Variants in GFRAL observed in about 807,000 individuals in gnomAD.
GFRAL encodes the protein GDNF family receptor alpha like, also known as GDNF family receptor alpha-like.
A neutral mutation model predicts 45.4 loss-of-function variants in GFRAL; 36 were observed. That is an observed-to-expected ratio of 0.79 (90% CI 0.61 to 1.05). GFRAL has a LOEUF of 1.05. Ranked by LOEUF, GFRAL falls within the 50% of genes least tolerant of loss-of-function variation. The pLI is 0.00. For missense variants in GFRAL, 507 were observed against 467.5 expected (o/e 1.08, Z -0.78); for synonymous variants, 166 against 154.1 (o/e 1.08, Z -0.57).
intron 5 of GFRAL, 137 bp from the exon 6 acceptor site, chr6:55,358,751 A>T: frequency 1.4e-6 from 1 of 723,266 alleles, no homozygotes; most frequent in Non-Finnish European, 2.2e-6. Flanking sequence ...TTTTCAAATC[A>T]CAAATTTACT....
At chr6:55,397,524 C>CAAAAAAAAAAAAAAAAAAA (rs70986715) in intron 6 of GFRAL, among the ~76,000 whole-genome samples, 1 of 67,416 alleles carries the variant, frequency 1.5e-5, no homozygotes, top group Non-Finnish European at 2.7e-5. Flanking sequence ...GACTCCGTCT[C>CAAAAAAAAAAAAAAAAAAA]AAAAAAAAAA....
chr6:55,382,713 GTC>G (rs966129033), intron 6 of GFRAL, among the ~76,000 whole-genome samples: 4 of 151,878 alleles, frequency 2.6e-5, no homozygotes, highest in Non-Finnish European at 5.9e-5. Context: ...GCACCAATGT[GTC>G]TGGGTTCAAA....
At position 55,399,278 on chromosome 6, in the gene GFRAL, C is replaced by T. The variant is rs747091669; in HGVS notation, c.1048+3C>T. On this transcript the variant is annotated splice_donor_region_variant and intron_variant, in intron 7 of 8. Coordinates refer to ENST00000340465, the MANE Select transcript of GFRAL (RefSeq NM_207410.2). ...TGGATTTCATTCCCCCTTCAATGGTCAGTTAAAAATCAATCCTCTATAATA... is the reference window on the plus strand; with the variant it reads ...TGGATTTCATTCCCCCTTCAATGGTTAGTTAAAAATCAATCCTCTATAATA... 1.5e-5 allele frequency: 24 copies of T among 1,574,026 alleles called. No homozygotes were observed. The South Asian group carries it at 2.7e-4, about 18-fold the overall frequency.
chr6:55,377,319 C>G (rs1324112962), intron 6 of GFRAL, among the ~76,000 whole-genome samples: 1 of 151,968 alleles, frequency 6.6e-6, no homozygotes, highest in Non-Finnish European at 1.5e-5. Flanking sequence ...AAGCCATCAC[C>G]AATAACACAT....
At chr6:55,385,924 T>C (rs1768676660) in intron 6 of GFRAL, among the ~76,000 whole-genome samples, 1 of 152,084 alleles carries the variant, frequency 6.6e-6, no homozygotes. Flanking sequence ...AGATGTGTTC[T>C]GATAGTCTTG....
chr6:55,355,447 A>G (rs1768178677), intron 5 of GFRAL, among the ~76,000 whole-genome samples: 1 of 152,034 alleles, frequency 6.6e-6, no homozygotes, highest in African/African-American at 2.4e-5. Flanking sequence ...TTTTTTGGAC[A>G]TTTAGACATA....
At chr6:55,358,226 A>G (rs539288108) in intron 5 of GFRAL, among the ~76,000 whole-genome samples, 2 of 152,016 alleles carry the variant, frequency 1.3e-5, no homozygotes, top group East Asian at 3.9e-4. Flanking sequence ...AAGAGTAAAA[A>G]GCAATTTTCG....
intron 3 of GFRAL, among the ~76,000 whole-genome samples, chr6:55,349,445 A>G (rs904420600): frequency 4.6e-5 from 7 of 152,106 alleles, no homozygotes; most frequent in Admixed American, 4.6e-4. Context: ...TTTGTTTTAT[A>G]TGTCTGTATT....
intron 3 of GFRAL, among the ~76,000 whole-genome samples, chr6:55,348,585 A>G (rs554162575): frequency 4.6e-5 from 7 of 152,206 alleles, no homozygotes; most frequent in African/African-American, 1.7e-4. Context: ...GCTTGTAGAT[A>G]GCCAGCCACA....
chr6:55,386,153 T>C (rs996977071), intron 6 of GFRAL, among the ~76,000 whole-genome samples: 15 of 152,098 alleles, frequency 9.9e-5, no homozygotes, highest in African/African-American at 3.6e-4. Context: ...TAAATTGAGA[T>C]TTGGGATAAA....
chr6:55,373,434 G>C (rs867539833), intron 6 of GFRAL, among the ~76,000 whole-genome samples: 1 of 152,130 alleles, frequency 6.6e-6, no homozygotes, highest in African/African-American at 2.4e-5. Flanking sequence ...AAGCAGACTG[G>C]TGGCTCCTTT....
At chr6:55,349,857 T>C (rs192484250) in intron 3 of GFRAL, among the ~76,000 whole-genome samples, 171 of 151,994 alleles carry the variant, frequency 1.1e-3, no homozygotes, top group Non-Finnish European at 2.0e-3. Flanking sequence ...TTCAAGTAAC[T>C]GAATCCTCAG....
At chr6:55,347,455 T>C (rs189911468) in intron 3 of GFRAL, among the ~76,000 whole-genome samples, 19 of 152,158 alleles carry the variant, frequency 1.2e-4, no homozygotes, top group Non-Finnish European at 2.4e-4. Flanking sequence ...CTTAGCACAA[T>C]GACAAGATCT....
chr6:55,375,184 A>G (rs973653217), intron 6 of GFRAL, among the ~76,000 whole-genome samples: 9 of 152,128 alleles, frequency 5.9e-5, no homozygotes, highest in African/African-American at 2.2e-4. Context: ...TTTAATGGGA[A>G]TAGCATTGAA....
chr6:55,348,653 T>G (rs527531927), intron 3 of GFRAL, among the ~76,000 whole-genome samples: 1 of 152,214 alleles, frequency 6.6e-6, no homozygotes, highest in Non-Finnish European at 1.5e-5. Flanking sequence ...GAGAGACAGC[T>G]AGCTCCCTGA....
At chr6:55,328,757 T>C (rs1767795919) in intron 1 of GFRAL, among the ~76,000 whole-genome samples, 6 of 152,032 alleles carry the variant, frequency 3.9e-5, no homozygotes, top group Admixed American at 3.3e-4. Flanking sequence ...TTTCATCTTT[T>C]ACTTCTAAAT....
At chr6:55,329,811 T>C (rs537949020) in intron 1 of GFRAL, among the ~76,000 whole-genome samples, 1 of 152,162 alleles carries the variant, frequency 6.6e-6, no homozygotes, top group East Asian at 1.9e-4. Flanking sequence ...TTGTCTTGGA[T>C]TCTTCTTATA....
At chr6:55,390,299 G>A (rs1370446757) in intron 6 of GFRAL, among the ~76,000 whole-genome samples, 1 of 152,170 alleles carries the variant, frequency 6.6e-6, no homozygotes, top group Non-Finnish European at 1.5e-5. Flanking sequence ...CTTTTGCTAT[G>A]TTATACACTA....
intron 3 of GFRAL, among the ~76,000 whole-genome samples, chr6:55,348,504 G>A (rs189720434): frequency 0.013 from 1,986 of 152,150 alleles, 23 homozygotes; most frequent in Non-Finnish European, 0.022. Flanking sequence ...TTTTTCCCCA[G>A]TTCCGGATTA....
Sources: gnomAD v4.1 joint callset for allele counts (sites outside exome capture counted in the v4.1 genomes callset) on GRCh38, gnomAD v4.1.1 for gene constraint, MANE v1.5 for transcripts, NCBI Gene and HGNC (gene_info 2026-07-23, HGNC 2026-07-21) for gene names.